Variants in DCC observed in about 807,000 individuals in gnomAD.
DCC encodes the protein netrin receptor DCC.
In DCC, 58 loss-of-function variants were observed where a neutral mutation model predicts 172.5. The observed-to-expected ratio is 0.34, with a 90% CI of 0.27 to 0.42. DCC has a LOEUF of 0.42. Among genes scored for constraint, DCC ranks in the 10% least tolerant of loss-of-function variants. The probability of loss-of-function intolerance (pLI) is 1.00; values close to 1 mark genes in which losing one functional copy is unlikely to be tolerated. For synonymous variants in DCC, 709 were observed against 644.5 expected, an observed-to-expected ratio of 1.10 and a Z score of -1.52; for missense variants, 1,740 against 1,791.0, an observed-to-expected ratio of 0.97 and a Z score of 0.51.
At chr18:53,089,529 A>G (rs2042972014) in intron 7 of DCC, among the ~76,000 whole-genome samples, 1 of 152,070 alleles carries the variant, frequency 6.6e-6, no homozygotes, top group African/African-American at 2.4e-5. Context: ...ACTGCTTTGG[A>G]ATAAAGATGA....
chr18:52,561,074 G>T (rs138784759), intron 1 of DCC, among the ~76,000 whole-genome samples: 119 of 152,134 alleles, frequency 7.8e-4, no homozygotes, highest in African/African-American at 2.5e-3. Flanking sequence ...TATAGGAAAA[G>T]AATATGCTCA....
intron 12 of DCC, among the ~76,000 whole-genome samples, chr18:53,298,381 C>T (rs946735743): frequency 3.3e-5 from 5 of 151,576 alleles, no homozygotes; most frequent in Admixed American, 3.3e-4. Context: ...ACAAAAAATA[C>T]AGAAAGTATT....
At chr18:53,277,254 G>A (rs578096218) in intron 12 of DCC, among the ~76,000 whole-genome samples, 1 of 152,256 alleles carries the variant, frequency 6.6e-6, no homozygotes, top group African/African-American at 2.4e-5. Context: ...AGGATCACCT[G>A]AGGTCAGGAG....
chr18:53,535,797 G>C lies in DCC; in HGVS notation c.*5144G>C, dbSNP rs1015982181. 6 of 151,706 alleles carry C rather than the reference G, an allele frequency of 4.0e-5. No individual in the cohort carries two copies. The highest frequency in any genetic ancestry group is 1.4e-4 in the African/African-American group (6 of 41,402). The allele number at this position is 151,706 out of a possible 1,614,324, so 9.4% of individuals were successfully genotyped here. On this transcript the variant is annotated 3_prime_UTR_variant, in exon 29 of 29. Transcript: ENST00000442544. ...CTTGTATACTACTACACAAGGAAAA[G>C]GGGGTTTTGTAAACACTGTAGAACA...
At chr18:52,648,804 T>C (rs1297432531) in intron 1 of DCC, among the ~76,000 whole-genome samples, 1 of 152,156 alleles carries the variant, frequency 6.6e-6, no homozygotes, top group Non-Finnish European at 1.5e-5. Context: ...GAAGATTAAC[T>C]TCAAGACCAC....
chr18:52,342,187 G>A (rs1320814704), intron 1 of DCC, among the ~76,000 whole-genome samples: 2 of 152,178 alleles, frequency 1.3e-5, no homozygotes, highest in African/African-American at 2.4e-5. Flanking sequence ...TCGGCCGCAC[G>A]CGGGCAGGAA....
chr18:53,341,766 C>A (rs1264732990), intron 15 of DCC, among the ~76,000 whole-genome samples: 1 of 152,106 alleles, frequency 6.6e-6, no homozygotes, highest in Non-Finnish European at 1.5e-5. Context: ...AAGCTCTAAT[C>A]TTTATAAAGA....
Position 53,352,959 on chromosome 18 carries a change from A to G in DCC, c.2359+13052A>G, listed in dbSNP as rs1230436733. ...AATTTATATTATATATCTTGACCTTACCATTATTGACCTTAAGTAAATACT... is the reference window on the plus strand; with the variant it reads ...AATTTATATTATATATCTTGACCTTGCCATTATTGACCTTAAGTAAATACT... On this transcript the variant is annotated intron_variant, in intron 15 of 28. Coordinates refer to ENST00000442544, the MANE Select transcript of DCC (RefSeq NM_005215.4). 2.0e-5 allele frequency among the ~76,000 whole-genome samples: 3 copies of G among 152,096 alleles called. 1 individual carries two copies. Among genetic ancestry groups the G allele is most frequent in the African/African-American group, 4.8e-5 (2 of 41,418 alleles).
chr18:52,719,213 G>T (rs367676227), intron 1 of DCC, among the ~76,000 whole-genome samples: 1 of 123,086 alleles, frequency 8.1e-6, no homozygotes, highest in Non-Finnish European at 1.9e-5. Flanking sequence ...TTCATCCTGA[G>T]ATCCTTAATT....
At chr18:52,397,062 C>A (rs1986257946) in intron 1 of DCC, among the ~76,000 whole-genome samples, 1 of 151,976 alleles carries the variant, frequency 6.6e-6, no homozygotes, top group Admixed American at 6.6e-5. Context: ...CTAATTGCGG[C>A]CACCTCTCAA....
chr18:52,573,871 C>G (rs2033354789), intron 1 of DCC, among the ~76,000 whole-genome samples: 1 of 152,198 alleles, frequency 6.6e-6, no homozygotes, highest in African/African-American at 2.4e-5. Context: ...ACTGTTCCCT[C>G]TTAGGATGAC....
At chr18:52,604,241 C>G (rs2034083181) in intron 1 of DCC, among the ~76,000 whole-genome samples, 1 of 152,064 alleles carries the variant, frequency 6.6e-6, no homozygotes. Context: ...CAAATGTCTC[C>G]TTCCTTATCA....
At chr18:53,377,990 C>T (rs1326702339) in intron 15 of DCC, among the ~76,000 whole-genome samples, 1 of 152,010 alleles carries the variant, frequency 6.6e-6, no homozygotes, top group Non-Finnish European at 1.5e-5. Flanking sequence ...TTTTTTAAGA[C>T]GGGGTCTGGC....
At chr18:53,285,868 C>G (rs2056930016) in intron 12 of DCC, among the ~76,000 whole-genome samples, 3 of 152,206 alleles carry the variant, frequency 2.0e-5, no homozygotes, top group Non-Finnish European at 2.9e-5. Flanking sequence ...GACATGGAGT[C>G]AAAGGAGATC....
chr18:53,363,340 C>G (rs1206671822), intron 15 of DCC, among the ~76,000 whole-genome samples: 1 of 152,092 alleles, frequency 6.6e-6, no homozygotes, highest in Non-Finnish European at 1.5e-5. Flanking sequence ...CAGAGATTTT[C>G]TTTTCTCTAA....
chr18:52,372,249 C>T (rs59308724), intron 1 of DCC, among the ~76,000 whole-genome samples: 2,888 of 152,268 alleles, frequency 0.019, 72 homozygotes, highest in African/African-American at 0.059. Context: ...ATACTAGACC[C>T]CGTGTAGCTG....
intron 5 of DCC, among the ~76,000 whole-genome samples, chr18:53,031,022 G>A (rs575517843): frequency 9.1e-4 from 139 of 152,286 alleles, no homozygotes; most frequent in Middle Eastern, 6.8e-3. Context: ...GCTTTGAGAG[G>A]CTGAGGCAGA....
At chr18:52,667,099 C>CTG (rs2035470034) in intron 1 of DCC, among the ~76,000 whole-genome samples, 1 of 152,036 alleles carries the variant, frequency 6.6e-6, no homozygotes, top group Non-Finnish European at 1.5e-5. Flanking sequence ...GGAATAGAGC[C>CTG]AGTATCTGTT....
At chr18:53,267,645 T>C (rs919602273) in intron 12 of DCC, among the ~76,000 whole-genome samples, 1 of 152,148 alleles carries the variant, frequency 6.6e-6, no homozygotes, top group Non-Finnish European at 1.5e-5. Context: ...GTTTTATTTT[T>C]TGTACAGACG....
Sources: allele counts gnomAD v4.1 joint callset (sites outside exome capture counted in the v4.1 genomes callset), GRCh38; gene constraint gnomAD v4.1.1; transcripts MANE v1.5; gene names NCBI Gene and HGNC (gene_info 2026-07-23, HGNC 2026-07-21).